Variants in LOC128092253 observed in about 807,000 individuals in gnomAD.
the LOC128092253 span, among the ~76,000 whole-genome samples, chr6:133,966,786 C>T: frequency 6.0e-5 from 9 of 149,094 alleles, no homozygotes; most frequent in South Asian, 2.1e-4. Flanking sequence ...CTTAAAACTG[C>T]CTGTCTTGTG....
the LOC128092253 span, among the ~76,000 whole-genome samples, chr6:133,956,478 C>G: frequency 6.6e-6 from 1 of 152,170 alleles, no homozygotes; most frequent in African/African-American, 2.4e-5. Flanking sequence ...TTATTACATA[C>G]TGCCTGGTAC....
At chr6:133,974,153 C>A in the LOC128092253 span, among the ~76,000 whole-genome samples, 1 of 152,106 alleles carries the variant, frequency 6.6e-6, no homozygotes, top group African/African-American at 2.4e-5. Context: ...TCTACTCTGG[C>A]AAACATTATG....
At chr6:133,961,465 C>CTTT in the LOC128092253 span, among the ~76,000 whole-genome samples, 143 of 99,926 alleles carry the variant, frequency 1.4e-3, no homozygotes, top group Non-Finnish European at 1.8e-3. Flanking sequence ...TTCTTTCTTT[C>CTTT]TTTTTTTTTT....
chr6:133,979,272 G>T, the LOC128092253 span, among the ~76,000 whole-genome samples: 1 of 152,166 alleles, frequency 6.6e-6, no homozygotes, highest in African/African-American at 2.4e-5. Flanking sequence ...AATGAGAAAA[G>T]TCTGTTAGTA....
the LOC128092253 span, among the ~76,000 whole-genome samples, chr6:133,958,036 C>CT: frequency 6.6e-6 from 1 of 152,114 alleles, no homozygotes; most frequent in African/African-American, 2.4e-5. Flanking sequence ...GGGGGAAGTA[C>CT]TTTTTTTAAG....
At chr6:133,972,324 A>G in the LOC128092253 span, among the ~76,000 whole-genome samples, 3 of 152,178 alleles carry the variant, frequency 2.0e-5, no homozygotes, top group African/African-American at 7.2e-5. Context: ...ATTTCTCTCA[A>G]ATATCTTTTA....
At chr6:133,972,711 T>C in the LOC128092253 span, among the ~76,000 whole-genome samples, 2 of 151,894 alleles carry the variant, frequency 1.3e-5, no homozygotes, top group Non-Finnish European at 2.9e-5. Context: ...TTTGTTTTTT[T>C]CCCCTCATCT....
At chr6:133,974,737 C>G in the LOC128092253 span, among the ~76,000 whole-genome samples, 1 of 152,276 alleles carries the variant, frequency 6.6e-6, no homozygotes, top group South Asian at 2.1e-4. Context: ...AGTTTTTGTA[C>G]CAGACTGTAA....
chr6:133,966,017 TA>T, the LOC128092253 span, among the ~76,000 whole-genome samples: 1 of 152,154 alleles, frequency 6.6e-6, no homozygotes. Context: ...TAATAAGTGG[TA>T]GAGTCTAGAT....
chr6:133,979,280 G>A, the LOC128092253 span, among the ~76,000 whole-genome samples: 1 of 152,168 alleles, frequency 6.6e-6, no homozygotes, highest in Admixed American at 6.5e-5. Context: ...AAGTCTGTTA[G>A]TAAATGTTAT....
chr6:133,974,392 G>A, the LOC128092253 span, among the ~76,000 whole-genome samples: 1 of 152,172 alleles, frequency 6.6e-6, no homozygotes, highest in Non-Finnish European at 1.5e-5. Flanking sequence ...GGAGTGCAGT[G>A]GCGCGATCTC....
At chr6:133,970,808 C>T in the LOC128092253 span, among the ~76,000 whole-genome samples, 1 of 151,810 alleles carries the variant, frequency 6.6e-6, no homozygotes, top group African/African-American at 2.4e-5. Context: ...TCTGTGTTGC[C>T]CAGGCTGGTT....
At chr6:133,968,805 G>A in the LOC128092253 span, 2 of 152,262 alleles carry the variant, frequency 1.3e-5, no homozygotes, top group Admixed American at 6.5e-5. Context: ...CAGTAGCTGG[G>A]ACTACAGGCG....
the LOC128092253 span, among the ~76,000 whole-genome samples, chr6:133,975,305 A>T: frequency 6.6e-6 from 1 of 152,162 alleles, no homozygotes; most frequent in Non-Finnish European, 1.5e-5. Flanking sequence ...TAAATTTTAA[A>T]ATTTAGAAGA....
At chr6:133,968,496 A>G in the LOC128092253 span, among the ~76,000 whole-genome samples, 1 of 152,204 alleles carries the variant, frequency 6.6e-6, no homozygotes, top group Non-Finnish European at 1.5e-5. Context: ...GCATTCACTA[A>G]TACATTGCTT....
chr6:133,971,512 T>G, the LOC128092253 span, among the ~76,000 whole-genome samples: 2 of 152,148 alleles, frequency 1.3e-5, no homozygotes, highest in Middle Eastern at 3.2e-3. Context: ...AATGGCTATG[T>G]GAGTTTACTA....
At chr6:133,954,912 G>T in the LOC128092253 span, among the ~76,000 whole-genome samples, 1 of 152,154 alleles carries the variant, frequency 6.6e-6, no homozygotes, top group Admixed American at 6.5e-5. Flanking sequence ...TTCAACTCAG[G>T]CGTTTTCATC....
chr6:133,953,667 C>CG, the LOC128092253 span, among the ~76,000 whole-genome samples: 1 of 151,668 alleles, frequency 6.6e-6, no homozygotes, highest in African/African-American at 2.4e-5. Flanking sequence ...TTAGGGATAA[C>CG]GGGTTGGGGG....
chr6:133,958,136 C>T, the LOC128092253 span, among the ~76,000 whole-genome samples: 9 of 152,298 alleles, frequency 5.9e-5, no homozygotes, highest in Non-Finnish European at 1.2e-4. Context: ...AAAGGAAGGC[C>T]GACAAAGCCT....
Sources: allele counts gnomAD v4.1 joint callset (sites outside exome capture counted in the v4.1 genomes callset), GRCh38; gene constraint gnomAD v4.1.1; transcripts MANE v1.5.